The following PUS1 variants were observed in gnomAD, a reference collection of about 807,000 sequenced individuals.
PUS1 encodes pseudouridylate synthase 1 homolog.
A neutral mutation model predicts 38.5 loss-of-function variants in PUS1; 25 were observed. The ratio of observed to expected loss-of-function variants is 0.65; its 90% CI spans 0.47 to 0.91. The LOEUF (loss-of-function observed/expected upper bound fraction) is 0.91. Ranked by LOEUF, PUS1 falls within the 40% of genes least tolerant of loss-of-function variation. The probability of loss-of-function intolerance (pLI) is 0.00; values close to 1 mark genes in which losing one functional copy is unlikely to be tolerated. For missense variants in PUS1, 597 were observed against 612.3 expected (o/e 0.97, Z 0.26); for synonymous variants, 282 against 260.4 (o/e 1.08, Z -0.80).
In PUS1 at chr12:131,929,466, G is replaced by A; in HGVS notation, c.-257G>A. On this transcript the variant is annotated 5_prime_UTR_variant, in exon 1 of 6. Transcript: ENST00000376649. ...GTCAGGGTCCCGGGGCGGTCTGGGG[G>A]CAGTAGAGACGGGGCTTGGGCGCGG... 1 of 439,308 alleles carries A rather than the reference G, an allele frequency of 2.3e-6. No homozygotes were observed. 27.2% of individuals were successfully genotyped at this position (439,308 alleles called of 1,614,324 possible).
Position 131,929,696 on chromosome 12 carries a change from G to T in PUS1, c.-27G>T. On this transcript the variant is annotated 5_prime_UTR_variant, in exon 1 of 6. Transcript: ENST00000376649. ...GGGGTCAGGGGTCGGGGATCAGGGC[G>T]GGGTCGGGTGCACTGGTAGCCTGCG... 2 of 1,560,536 alleles carry T rather than the reference G, an allele frequency of 1.3e-6. No individual in the cohort carries two copies. Among genetic ancestry groups the T allele is most frequent in the East Asian group, 2.4e-5 (1 of 41,412 alleles).
At chr12:131,933,943 G>T (rs546436000) in intron 3 of PUS1, among the ~76,000 whole-genome samples, 71 of 152,354 alleles carry the variant, frequency 4.7e-4, no homozygotes, top group African/African-American at 1.1e-3. Flanking sequence ...AGGGGACAGG[G>T]TAAGGAGCGT....
chr12:131,930,154 C>G lies in PUS1; in HGVS notation c.303+19C>G. Reference sequence around the variant, plus strand: ...CATGCAGGTGTGGCCGCCCGGGAAGCGGCAGGTCCCGCGGGGTTTAGGTGC... The same window carrying G: ...CATGCAGGTGTGGCCGCCCGGGAAGGGGCAGGTCCCGCGGGGTTTAGGTGC... On this transcript the variant is annotated intron_variant, in intron 2 of 5. Transcript: ENST00000376649. 1 of 1,406,160 alleles carries G rather than the reference C, an allele frequency of 7.1e-7. No homozygotes were observed. Among genetic ancestry groups the G allele is most frequent in the Non-Finnish European group, 9.3e-7 (1 of 1,080,818 alleles). 87.1% of individuals were successfully genotyped at this position (1,406,160 alleles called of 1,614,324 possible). A position where few individuals can be genotyped will look rare whatever the true frequency, so the allele number is the denominator to read the frequency against.
intron 4 of PUS1, among the ~76,000 whole-genome samples, chr12:131,940,358 C>T (rs1042027078): frequency 2.0e-5 from 3 of 152,150 alleles, no homozygotes; most frequent in Admixed American, 1.3e-4. Flanking sequence ...AAGATTCATC[C>T]GTGCTGTTGT....
intron 3 of PUS1, among the ~76,000 whole-genome samples, chr12:131,937,831 C>T (rs1158799177): frequency 2.0e-5 from 3 of 152,102 alleles, no homozygotes; most frequent in African/African-American, 7.2e-5. Flanking sequence ...TGAATGAGAG[C>T]CACTGTGCTT....
intron 1 of PUS1, 28 bp from the exon 2 acceptor site, chr12:131,929,878 GC>G: frequency 6.8e-7 from 1 of 1,462,882 alleles, no homozygotes; most frequent in Non-Finnish European, 9.0e-7. Context: ...TGCCGAGCGG[GC>G]CCCCGCTCAC....
intron 5 of PUS1, among the ~76,000 whole-genome samples, chr12:131,943,107 C>T (rs1331014681): frequency 6.6e-6 from 1 of 152,234 alleles, no homozygotes; most frequent in East Asian, 1.9e-4. Context: ...TGGGAAATCT[C>T]TTTTTTAAGT....
Position 131,943,746 on chromosome 12 carries a change from T to C in PUS1, c.*160T>C. 1.5e-6 allele frequency: 1 copy of C among 664,704 alleles called. No homozygotes were observed. The highest frequency in any genetic ancestry group is 2.8e-6 in the Non-Finnish European group (1 of 363,108). 41.2% of individuals were successfully genotyped at this position (664,704 alleles called of 1,614,324 possible). ...GGACCTTCCCTTGTAGGAACAGCCT[T>C]TCTCGAATCTGTTTTCAGCTCTTGC... On this transcript the variant is annotated 3_prime_UTR_variant, in exon 6 of 6. Transcript: ENST00000376649.
intron 4 of PUS1, among the ~76,000 whole-genome samples, chr12:131,939,741 G>A (rs910556324): frequency 6.6e-6 from 1 of 151,552 alleles, no homozygotes; most frequent in Non-Finnish European, 1.5e-5. Flanking sequence ...TGCAGCCTCC[G>A]CCTCCCGGGT....
Position 131,944,980 on chromosome 12 carries a change from TCAG to T in PUS1, c.*1396_*1398del, listed in dbSNP as rs1228880773. On this transcript the variant is annotated 3_prime_UTR_variant, in exon 6 of 6. Coordinates refer to ENST00000376649, the MANE Select transcript of PUS1 (RefSeq NM_025215.6). ...GGCTGCCAGGAGCCCAGGGAGGGGC[TCAG>T]CGGAGGAAGTGCCGTGCATACACGT... The T allele has an allele frequency of 2.6e-5, 4 of 152,248 alleles. No individual in the cohort carries two copies. Among genetic ancestry groups the T allele is most frequent in the African/African-American group, 9.7e-5 (4 of 41,426 alleles). The allele number at this position is 152,248 out of a possible 1,614,324, so 9.4% of individuals were successfully genotyped here. A position where few individuals can be genotyped will look rare whatever the true frequency, so the allele number is the denominator to read the frequency against.
At chr12:131,933,472 C>T (rs1033602135) in intron 3 of PUS1, among the ~76,000 whole-genome samples, 2 of 152,254 alleles carry the variant, frequency 1.3e-5, no homozygotes, top group Non-Finnish European at 1.5e-5. Context: ...ACACTCATCA[C>T]AAATCCACCA....
In PUS1 at chr12:131,944,468, T is replaced by G. The variant is rs10794450; in HGVS notation, c.*882T>G. On this transcript the variant is annotated 3_prime_UTR_variant, in exon 6 of 6. Coordinates refer to ENST00000376649, the MANE Select transcript of PUS1 (RefSeq NM_025215.6). ...GGTGGAGATTGCAGTGAGCCAAGATTGCGCCACTGCACTCCAGCCTGGGTG... is the reference window on the plus strand; with the variant it reads ...GGTGGAGATTGCAGTGAGCCAAGATGGCGCCACTGCACTCCAGCCTGGGTG... 0.82 allele frequency: 124,109 copies of G among 151,806 alleles called. 52,614 individuals carry two copies. The highest frequency in any genetic ancestry group is 0.93 in the East Asian group (4,814 of 5,170). The allele number at this position is 151,806 out of a possible 1,614,324, so 9.4% of individuals were successfully genotyped here. A position where few individuals can be genotyped will look rare whatever the true frequency, so the allele number is the denominator to read the frequency against.
At chr12:131,930,712 C>T (rs1253497207) in intron 2 of PUS1, among the ~76,000 whole-genome samples, 1 of 152,196 alleles carries the variant, frequency 6.6e-6, no homozygotes, top group African/African-American at 2.4e-5. Flanking sequence ...CAGCCTCCAC[C>T]TCCTGGGCTC....
In PUS1 at chr12:131,941,373, C is replaced by T. The variant is rs749757189; in HGVS notation, c.626C>T (p.Ala209Val). 6.2e-7 allele frequency: 1 copy of T among 1,614,218 alleles called. No homozygotes were observed. The highest frequency in any genetic ancestry group is 8.5e-7 in the Non-Finnish European group (1 of 1,180,036). ...RTYCYLLPTF[A>V]FAHKDRDVQD... ...TATTGCTACCTGCTGCCCACGTTTGCCTTTGCGCACAAGGACCGGGACGTT... is the reference window on the plus strand; with the variant it reads ...TATTGCTACCTGCTGCCCACGTTTGTCTTTGCGCACAAGGACCGGGACGTT... Residue 209 changes from alanine (A) to valine (V), a missense_variant, in exon 5 of 6, where the codon GCC becomes GTC. Transcript: ENST00000376649. This position sits in a 1 kb window ranked among gnomAD's most constrained non-coding sequence, Gnocchi z 4.4.
chr12:131,929,966 A>G lies in PUS1; in HGVS notation c.134A>G (p.Asp45Gly), dbSNP rs1890514740. ...CCCGCCGGAGCCGCATGCCCCCAGG[A>G]CCGGAGGTCCTGCAGCGGCCGGGCC... is the stretch of plus-strand genomic sequence containing the variant. Reference protein sequence around the residue: ...PPPAGAACPQDRRSCSGRAGG... With the variant: ...PPPAGAACPQGRRSCSGRAGG... The change falls in exon 2 of 6, where the codon GAC (aspartate) becomes GGC (glycine). Residue 45 changes from aspartate (D) to glycine (G), a missense_variant. Asp to Gly is a moderately conservative substitution (Grantham distance 94). Transcript: ENST00000376649. 1.3e-6 allele frequency: 2 copies of G among 1,517,016 alleles called. No homozygotes were observed. Among genetic ancestry groups the G allele is most frequent in the South Asian group, 1.2e-5 (1 of 80,884 alleles). The allele number at this position is 1,517,016 out of a possible 1,614,324, so 94.0% of individuals were successfully genotyped here.
intron 2 of PUS1, chr12:131,931,923 A>G: frequency 1.6e-6 from 1 of 615,248 alleles, no homozygotes. Context: ...AAGTAGGTGT[A>G]TGCACAGGTT....
At position 131,929,614 on chromosome 12, in the gene PUS1, G is replaced by A. The variant is rs1321128780; in HGVS notation, c.-109G>A. ...GAGGTCAGGGGTCAGAAGGAACAGG[G>A]CTGCAGCGTCAGGGTCCGAGAGGTT... On this transcript the variant is annotated 5_prime_UTR_variant, in exon 1 of 6. Coordinates refer to ENST00000376649, the MANE Select transcript of PUS1 (RefSeq NM_025215.6). 2.1e-6 allele frequency: 2 copies of A among 963,216 alleles called. No individual in the cohort carries two copies. Among genetic ancestry groups the A allele is most frequent in the African/African-American group, 1.7e-5 (1 of 58,994 alleles). 59.7% of individuals were successfully genotyped at this position (963,216 alleles called of 1,614,324 possible).
chr12:131,930,046 G>T lies in PUS1; in HGVS notation c.214G>T (p.Gly72Cys). 2 of 1,451,728 alleles carry T rather than the reference G, an allele frequency of 1.4e-6. No homozygotes were observed. The highest frequency in any genetic ancestry group is 1.8e-6 in the Non-Finnish European group (2 of 1,103,930). 89.9% of individuals were successfully genotyped at this position (1,451,728 alleles called of 1,614,324 possible). A position where few individuals can be genotyped will look rare whatever the true frequency, so the allele number is the denominator to read the frequency against. ...GEHPAKKLKSGGDEERREKPP... is the reference protein window; with the variant it reads ...GEHPAKKLKSCGDEERREKPP... ...ACATCCGGCGAAGAAGCTCAAGAGC[G>T]GTGGCGACGAGGAGCGGCGCGAGAA... The change falls in exon 2 of 6, where the codon GGT becomes TGT. Residue 72 changes from glycine (G) to cysteine (C), a missense_variant. Transcript: ENST00000376649.
rs995637024 is a variant in PUS1, at chr12:131,929,665, G to T, written c.-58G>T. The stretch of plus-strand genomic sequence containing the variant: ...AGGGGTCGGCAGAGGCGGAGCTGGG[G>T]CACTGGGGGTCAGGGGTCGGGGATC... On this transcript the variant is annotated 5_prime_UTR_variant, in exon 1 of 6. Transcript: ENST00000376649. 7.0e-7 allele frequency: 1 copy of T among 1,422,144 alleles called. No homozygotes were observed. Among genetic ancestry groups the T allele is most frequent in the African/African-American group, 1.4e-5 (1 of 69,040 alleles). The allele number at this position is 1,422,144 out of a possible 1,614,324, so 88.1% of individuals were successfully genotyped here. A position where few individuals can be genotyped will look rare whatever the true frequency, so the allele number is the denominator to read the frequency against.
Sources: allele counts gnomAD v4.1 joint callset (sites outside exome capture counted in the v4.1 genomes callset), GRCh38; gene constraint gnomAD v4.1.1; non-coding constraint Gnocchi (gnomAD v3.1); transcripts MANE v1.5; gene names NCBI Gene and HGNC (gene_info 2026-07-23, HGNC 2026-07-21).